CLCN1: variants seen among roughly 807,000 people sequenced by gnomAD.
The protein encoded by CLCN1 is chloride voltage-gated channel 1, also known as chloride channel protein 1.
CLCN1 carries 100 observed loss-of-function variants against 114.5 expected under a neutral mutation model. That is an observed-to-expected ratio of 0.87 (90% CI 0.74 to 1.03). CLCN1 has a LOEUF of 1.03. Ranked by LOEUF, CLCN1 falls within the 50% of genes least tolerant of loss-of-function variation. CLCN1 has a pLI of 0.00. For missense variants in CLCN1, 1,188 were observed against 1,250.0 expected (o/e 0.95, Z 0.75); for synonymous variants, 485 against 487.1 (o/e 1.00, Z 0.06).
chr7:143,322,816 C>A (rs554326526), intron 5 of CLCN1, among the ~76,000 whole-genome samples: 1 of 152,262 alleles, frequency 6.6e-6, no homozygotes, highest in Admixed American at 6.5e-5. Flanking sequence ...CCACCGCGCC[C>A]GGCCTTATCA....
Position 143,351,812 on chromosome 7 carries a change from C to T in CLCN1, c.2814C>T (p.Pro938=). ...CTGTGCCATCTCCTTCCCCAGAGCC[C>T]CCTCTCTCCCTGGCCCCAGGCAAGG... ...ETPVPSPSPE[P]PLSLAPGKVE... is the part of the protein sequence containing the mutation. The change falls in exon 23 of 23, where the codon CCC becomes CCT. Residue 938 remains proline (P), a synonymous_variant. Transcript: ENST00000343257. The T allele has an allele frequency of 1.2e-6, 2 of 1,614,112 alleles. No homozygotes were observed. Among genetic ancestry groups the T allele is most frequent in the Non-Finnish European group, 1.7e-6 (2 of 1,179,982 alleles).
chr7:143,342,541 T>C, intron 16 of CLCN1, 36 bp downstream of exon 16: 1 of 1,612,342 alleles, frequency 6.2e-7, no homozygotes. Context: ...CCAGAGCTAG[T>C]GACCTGAATA....
rs778907387 is a variant in CLCN1, at chr7:143,332,403, T to G, written c.1167-16T>G. Reference sequence around the variant, plus strand: ...AGTTGGCTGAATTGTGGCGGTTAACTCTGTTTCTTTTTCAGCCGCCTGCTG... The same window carrying G: ...AGTTGGCTGAATTGTGGCGGTTAACGCTGTTTCTTTTTCAGCCGCCTGCTG... On this transcript the variant is annotated splice_polypyrimidine_tract_variant and intron_variant, in intron 10 of 22. Transcript: ENST00000343257. The G allele has an allele frequency of 1.2e-6, 2 of 1,606,980 alleles. No individual in the cohort carries two copies. Among genetic ancestry groups the G allele is most frequent in the South Asian group, 2.2e-5 (2 of 90,960 alleles).
chr7:143,342,116 G>C lies in CLCN1; in HGVS notation c.1770G>C (p.Leu590Phe), dbSNP rs1803095576. 1 of 1,614,048 alleles carries C rather than the reference G, an allele frequency of 6.2e-7. No individual in the cohort carries two copies. Among genetic ancestry groups the C allele is most frequent in the South Asian group, 1.1e-5 (1 of 91,090 alleles). The change falls in exon 15 of 23, where the codon TTG (leucine) becomes TTC (phenylalanine). Residue 590 changes from leucine to phenylalanine, a missense_variant. By Grantham distance (22) the Leu-to-Phe change is conservative. Transcript: ENST00000343257. ...SIIQVKKLPY[L>F]PDLGWNQLSK... ...TCCAGGTCAAGAAGCTACCCTACTT[G>C]CCTGACCTTGGCTGGAACCAGCTCA...
intron 22 of CLCN1, among the ~76,000 whole-genome samples, chr7:143,351,271 G>A (rs190438932): frequency 6.6e-6 from 1 of 152,096 alleles, no homozygotes; most frequent in East Asian, 1.9e-4. Flanking sequence ...ACAGTTTCTC[G>A]GGGATGCGCT....
Position 143,316,204 on chromosome 7 carries a change from G to A in CLCN1, c.-9G>A, listed in dbSNP as rs767653054. The A allele has an allele frequency of 4.3e-6, 7 of 1,610,118 alleles. No individual in the cohort carries two copies. In the Admixed American group the frequency reaches 1.2e-4, roughly 27 times the overall value. The stretch of plus-strand genomic sequence containing the variant: ...GCCAAGGCCTGGCCGGGGCTCGGGG[G>A]GAGGGAATATGGAGCAATCCCGGTC... On this transcript the variant is annotated 5_prime_UTR_variant, in exon 1 of 23. Coordinates refer to ENST00000343257, the MANE Select transcript of CLCN1 (RefSeq NM_000083.3).
At position 143,351,942 on chromosome 7, in the gene CLCN1, G is replaced by A. The variant is rs1803424950; in HGVS notation, c.2944G>A (p.Asp982Asn). 1.9e-6 allele frequency: 3 copies of A among 1,613,014 alleles called. No homozygotes were observed. The highest frequency in any genetic ancestry group is 2.2e-5 in the South Asian group (2 of 91,042). ...GPSLRSTDEE[D>N]EDELIL ...CAGCCTGCGATCCACAGACGAGGAG[G>A]ATGAGGATGAACTGATCCTTTGACC... The change falls in exon 23 of 23, where the codon GAT becomes AAT. Residue 982 changes from aspartate (D) to asparagine (N), a missense_variant. Transcript: ENST00000343257.
In CLCN1 at chr7:143,339,575, T is replaced by C. The variant is rs1488327041; in HGVS notation, c.1536T>C (p.Phe512=). The change falls in exon 14 of 23, where the codon TTT becomes TTC. Residue 512 remains phenylalanine, a synonymous_variant. Coordinates refer to ENST00000343257, the MANE Select transcript of CLCN1 (RefSeq NM_000083.3). This position sits in a 1 kb window ranked among gnomAD's most constrained non-coding sequence, Gnocchi z 4.1. ...MAMLFPDGIL[F]DDIIYKILPG... is the part of the protein sequence containing the mutation. ...TGCTCTTTCCTGATGGTATTTTGTT[T>C]GATGACATCATCTACAAGATCCTAC... The C allele has an allele frequency of 3.1e-6, 5 of 1,613,852 alleles. No homozygotes were observed. The South Asian group carries it at 4.4e-5, about 14-fold the overall frequency.
intron 11 of CLCN1, 53 bp downstream of exon 11, chr7:143,332,556 C>A: frequency 6.5e-7 from 1 of 1,537,568 alleles, no homozygotes; most frequent in Non-Finnish European, 9.0e-7. Flanking sequence ...AGATATACCT[C>A]AGGCTTCAGA....
chr7:143,349,397 G>T (rs536992818), intron 20 of CLCN1, among the ~76,000 whole-genome samples: 1 of 152,308 alleles, frequency 6.6e-6, no homozygotes, highest in East Asian at 1.9e-4. Flanking sequence ...ATGCCCTTTG[G>T]TGATATTCTC....
chr7:143,346,172 T>C lies in CLCN1; in HGVS notation c.2205T>C (p.Thr735=). The C allele has an allele frequency of 6.2e-7, 1 of 1,613,238 alleles. No individual in the cohort carries two copies. The highest frequency in any genetic ancestry group is 2.2e-5 in the East Asian group (1 of 44,844). Residue 735 remains threonine (T), a synonymous_variant, in exon 18 of 23, where the codon ACT becomes ACC. Coordinates refer to ENST00000343257, the MANE Select transcript of CLCN1 (RefSeq NM_000083.3). ...LPPSLALHPS[T]TAPLSPEEPN... ...CTTCCCTTGCTCTCCACCCCTCTAC[T>C]ACTGCCCCTCTGTCCCCAGAAGAGC...
intron 7 of CLCN1, among the ~76,000 whole-genome samples, chr7:143,328,973 T>C (rs972391897): frequency 6.6e-6 from 1 of 151,142 alleles, no homozygotes; most frequent in African/African-American, 2.4e-5. Context: ...TTTCTTTCTT[T>C]TTTTTTTTTT....
rs1802724058 is a variant in CLCN1 at position 143,331,540 on chromosome 7, T to C, written c.1065-11T>C. On this transcript the variant is annotated splice_polypyrimidine_tract_variant and intron_variant, in intron 9 of 22. Coordinates refer to ENST00000343257, the MANE Select transcript of CLCN1 (RefSeq NM_000083.3). ...TCTGTAAGATTCCAACTCTATAAAT[T>C]ACACCCTCAGGATTTGCTGTGGGCT... The C allele has an allele frequency of 6.3e-7, 1 of 1,585,940 alleles. No homozygotes were observed. The highest frequency in any genetic ancestry group is 2.2e-5 in the East Asian group (1 of 44,732).
Position 143,345,781 on chromosome 7 carries a change from G to T in CLCN1, c.2172+19G>T, listed in dbSNP as rs1397093084. On this transcript the variant is annotated intron_variant, in intron 17 of 22. Coordinates refer to ENST00000343257, the MANE Select transcript of CLCN1 (RefSeq NM_000083.3). ...GAGCGAGGTGACCGCGCCGGGAAGGGCTAGGGAGTGGGATAGATCAGGAGC... is the reference window on the plus strand; with the variant it reads ...GAGCGAGGTGACCGCGCCGGGAAGGTCTAGGGAGTGGGATAGATCAGGAGC... The T allele has an allele frequency of 6.2e-7, 1 of 1,607,416 alleles. No individual in the cohort carries two copies. Among genetic ancestry groups the T allele is most frequent in the Non-Finnish European group, 8.5e-7 (1 of 1,177,668 alleles).
rs1056796784 is a variant in CLCN1, at chr7:143,331,401, G to A, written c.1064+85G>A. On this transcript the variant is annotated intron_variant, in intron 9 of 22. Transcript: ENST00000343257. ...GGAAGGGACCCAAGCTAGAAAGAAG[G>A]TGCGGTTGGCACAGATAGAGTACAT... 6 of 1,199,602 alleles carry A rather than the reference G, an allele frequency of 5.0e-6. No individual in the cohort carries two copies. In the African/African-American group the frequency reaches 9.0e-5, roughly 18 times the overall value. 74.3% of individuals were successfully genotyped at this position (1,199,602 alleles called of 1,614,324 possible). A position where few individuals can be genotyped will look rare whatever the true frequency, so the allele number is the denominator to read the frequency against.
Position 143,331,246 on chromosome 7 carries a change from C to G in CLCN1, c.994C>G (p.Leu332Val). 6.2e-7 allele frequency: 1 copy of G among 1,612,232 alleles called. No individual in the cohort carries two copies. The highest frequency in any genetic ancestry group is 8.5e-7 in the Non-Finnish European group (1 of 1,178,264). ...CCATCCTACAGTCACCATCACTGCT[C>G]TGTTCAGAACCAATTTCCGAATGGA... The part of the protein sequence containing the change: ...WNKDAVTITA[L>V]FRTNFRMDFP... Residue 332 changes from leucine to valine, a missense_variant, in exon 9 of 23, where the codon CTG becomes GTG. Physicochemically the swap from Leu to Val is conservative, Grantham distance 32. Transcript: ENST00000343257.
chr7:143,319,426 G>A (rs975605737), intron 1 of CLCN1, among the ~76,000 whole-genome samples: 1 of 152,182 alleles, frequency 6.6e-6, no homozygotes, highest in African/African-American at 2.4e-5. Context: ...TGATTGATAT[G>A]GCCACCTGGG....
chr7:143,347,620 CAA>C (rs57147641), intron 20 of CLCN1, among the ~76,000 whole-genome samples: 3,198 of 94,856 alleles, frequency 0.034, 35 homozygotes, highest in Middle Eastern at 0.074. Flanking sequence ...GACTTTGCCT[CAA>C]AAAAAAAAAA....
chr7:143,351,849 T>G lies in CLCN1; in HGVS notation c.2851T>G (p.Leu951Val). The G allele has an allele frequency of 6.2e-7, 1 of 1,613,198 alleles. No homozygotes were observed. The change falls in exon 23 of 23, where the codon TTG (leucine) becomes GTG (valine). Residue 951 changes from leucine (L) to valine (V), a missense_variant. Physicochemically the swap from Leu to Val is conservative, Grantham distance 32 (BLOSUM62 1). Transcript: ENST00000343257. ...GGCCCCAGGCAAGGTAGAGGGCGAG[T>G]TGGAGGAGCTGGAGCTGGTGGAGAG... ...SLAPGKVEGE[L>V]EELELVESPG...
Sources: gnomAD v4.1 joint callset for allele counts (sites outside exome capture counted in the v4.1 genomes callset) on GRCh38, gnomAD v4.1.1 for gene constraint, Gnocchi (gnomAD v3.1) non-coding constraint, MANE v1.5 for transcripts, NCBI Gene and HGNC (gene_info 2026-07-23, HGNC 2026-07-21) for gene names.